Variants in IDH3A observed in about 807,000 individuals in gnomAD.
IDH3A encodes the protein isocitrate dehydrogenase (NAD(+)) 3 catalytic subunit alpha, also known as isocitrate dehydrogenase [NAD] subunit alpha, mitochondrial.
A neutral mutation model predicts 43.3 loss-of-function variants in IDH3A; 23 were observed. The ratio of observed to expected loss-of-function variants is 0.53; its 90% CI spans 0.38 to 0.75. The LOEUF (loss-of-function observed/expected upper bound fraction) is 0.75. Ranked by LOEUF, IDH3A falls within the 30% of genes least tolerant of loss-of-function variation. The probability of loss-of-function intolerance (pLI) is 0.00; values close to 1 mark genes in which losing one functional copy is unlikely to be tolerated. For missense variants in IDH3A, 329 were observed against 474.4 expected, an observed-to-expected ratio of 0.69 and a Z score of 2.85; for synonymous variants, 154 against 163.5, an observed-to-expected ratio of 0.94 and a Z score of 0.44.
intron 4 of IDH3A, among the ~76,000 whole-genome samples, chr15:78,160,804 T>G (rs1004069838): frequency 3.9e-5 from 6 of 152,068 alleles, no homozygotes; most frequent in African/African-American, 1.4e-4. Context: ...GGCCTACATT[T>G]TTATTATTAT....
rs138079689 is a variant in IDH3A, at chr15:78,160,118, C to T, written c.201C>T (p.Asn67=). 117 of 1,611,848 alleles carry T rather than the reference C, an allele frequency of 7.3e-5. No homozygotes were observed. The highest frequency in any genetic ancestry group is 9.3e-5 in the Non-Finnish European group (109 of 1,178,012). The stretch of plus-strand genomic sequence containing the variant: ...CACCTATTCAGTGGGAGGAGCGGAA[C>T]GTCACTGCCATTCAAGGACCTGGAG... ...AKAPIQWEER[N]VTAIQGPGGK... Residue 67 remains asparagine (N), a synonymous_variant, in exon 4 of 11, where the codon AAC becomes AAT. Transcript: ENST00000299518.
At position 78,165,022 on chromosome 15, in the gene IDH3A, C is replaced by G; in HGVS notation, c.810C>G (p.Leu270=). 1 of 1,613,620 alleles carries G rather than the reference C, an allele frequency of 6.2e-7. No individual in the cohort carries two copies. The highest frequency in any genetic ancestry group is 1.1e-5 in the South Asian group (1 of 91,058). The change falls in exon 9 of 11, where the codon CTC becomes CTG. Residue 270 remains leucine (L), a synonymous_variant. Coordinates refer to ENST00000299518, the MANE Select transcript of IDH3A (RefSeq NM_005530.3). The part of the protein sequence containing the change: ...SDLCAGLIGG[L]GVTPSGNIGA... Reference sequence around the variant, plus strand: ...TGTGTGCAGGATTGATCGGAGGTCTCGGTGTGACACCAAGTGGCAACATTG... The same window carrying G: ...TGTGTGCAGGATTGATCGGAGGTCTGGGTGTGACACCAAGTGGCAACATTG...
At chr15:78,164,301 CTCT>C (rs1474151691) in intron 8 of IDH3A, among the ~76,000 whole-genome samples, 2 of 149,270 alleles carry the variant, frequency 1.3e-5, no homozygotes, top group Non-Finnish European at 1.5e-5. Flanking sequence ...CTCTCTCTCT[CTCT>C]CCCCCCCCGA....
chr15:78,167,184 T>G (rs1444799666), intron 10 of IDH3A, among the ~76,000 whole-genome samples: 1 of 152,248 alleles, frequency 6.6e-6, no homozygotes, highest in Non-Finnish European at 1.5e-5. Flanking sequence ...AATTGAATAC[T>G]TATGCAACTT....
chr15:78,157,112 A>G lies in IDH3A; in HGVS notation c.91-436A>G, dbSNP rs969468087. 13 of 1,140,570 alleles carry G rather than the reference A, an allele frequency of 1.1e-5. No homozygotes were observed. The African/African-American group carries it at 1.5e-4, about 13-fold the overall frequency. 70.7% of individuals were successfully genotyped at this position (1,140,570 alleles called of 1,614,324 possible). A position where few individuals can be genotyped will look rare whatever the true frequency, so the allele number is the denominator to read the frequency against. On this transcript the variant is annotated intron_variant, in intron 2 of 10. Coordinates refer to ENST00000299518, the MANE Select transcript of IDH3A (RefSeq NM_005530.3). ...GCATGAGAAGCTTTCCAGGATCACAATGGAAAGGAAAGGAAAACACTTGCC... is the reference window on the plus strand; with the variant it reads ...GCATGAGAAGCTTTCCAGGATCACAGTGGAAAGGAAAGGAAAACACTTGCC...
chr15:78,158,448 C>CACACATATATATATATATATAT (rs763962799), intron 3 of IDH3A, among the ~76,000 whole-genome samples: 1 of 28,214 alleles, frequency 3.5e-5, no homozygotes, highest in African/African-American at 1.6e-4. Context: ...TACATACATA[C>CACACATATATATATATATATAT]ATATATATAT....
chr15:78,165,096 A>C lies in IDH3A; in HGVS notation c.864+20A>C, dbSNP rs2074724382. On this transcript the variant is annotated intron_variant, in intron 9 of 10. Transcript: ENST00000299518. ...GAGTCGGTAAGGACCCTGACACCTG[A>C]AACAGAACTCAGGTCAGAACAGCGT... 1 of 1,519,882 alleles carries C rather than the reference A, an allele frequency of 6.6e-7. No individual in the cohort carries two copies. The highest frequency in any genetic ancestry group is 1.4e-5 in the African/African-American group (1 of 73,090). 94.1% of individuals were successfully genotyped at this position (1,519,882 alleles called of 1,614,324 possible). A position where few individuals can be genotyped will look rare whatever the true frequency, so the allele number is the denominator to read the frequency against.
At chr15:78,166,429 A>C in intron 10 of IDH3A, 127 bp downstream of exon 10, 1 of 930,922 alleles carries the variant, frequency 1.1e-6, no homozygotes, top group Non-Finnish European at 1.7e-6. Flanking sequence ...TTGAACAAGG[A>C]TTCTTAACGT....
chr15:78,161,446 T>C lies in IDH3A; in HGVS notation c.290-135T>C. ...GAAAGCTCCCGTGAGGAAGTGTTCC[T>C]CCTTCATTTGAATCTCAGGTAGAGA... is the stretch of plus-strand genomic sequence containing the variant. On this transcript the variant is annotated intron_variant, in intron 4 of 10. Coordinates refer to ENST00000299518, the MANE Select transcript of IDH3A (RefSeq NM_005530.3). This position sits in a 1 kb window ranked among gnomAD's most constrained non-coding sequence, Gnocchi z 4.8. 1.5e-6 allele frequency: 1 copy of C among 652,650 alleles called. No homozygotes were observed. Among genetic ancestry groups the C allele is most frequent in the Non-Finnish European group, 2.7e-6 (1 of 376,302 alleles). The allele number at this position is 652,650 out of a possible 1,614,324, so 40.4% of individuals were successfully genotyped here. A position where few individuals can be genotyped will look rare whatever the true frequency, so the allele number is the denominator to read the frequency against.
chr15:78,152,338 G>A lies in IDH3A; in HGVS notation c.28-2875G>A, dbSNP rs560637754. On this transcript the variant is annotated intron_variant, in intron 1 of 10. Transcript: ENST00000299518. ...CTCCCAAAGTGCTGGGATTACAAGC[G>A]TGAGGCACTGCGCCCGGCCTTTTTT... Among the ~76,000 whole-genome samples, 19 of 148,348 alleles carry A rather than the reference G, an allele frequency of 1.3e-4. No individual in the cohort carries two copies. The South Asian group carries it at 3.2e-3, about 25-fold the overall frequency.
At chr15:78,152,513 A>T (rs1224611261) in intron 1 of IDH3A, among the ~76,000 whole-genome samples, 1 of 151,310 alleles carries the variant, frequency 6.6e-6, no homozygotes, top group Non-Finnish European at 1.5e-5. Flanking sequence ...GGCATGTGCC[A>T]CCACGCCTGG....
At chr15:78,158,448 C>CACATATATATATATATATATATATAT (rs763962799) in intron 3 of IDH3A, among the ~76,000 whole-genome samples, 6 of 28,236 alleles carry the variant, frequency 2.1e-4, no homozygotes, top group African/African-American at 7.8e-4. Context: ...TACATACATA[C>CACATATATATATATATATATATATAT]ATATATATAT....
chr15:78,170,985 G>A lies in IDH3A; in HGVS notation c.*1980G>A, dbSNP rs2074814405. On this transcript the variant is annotated 3_prime_UTR_variant, in exon 11 of 11. Coordinates refer to ENST00000299518, the MANE Select transcript of IDH3A (RefSeq NM_005530.3). ...GTAATGGAATAATAGGGTCGGCGAT[G>A]CCCGCCAAGATTCCAGAGTAAGTCA... 2.0e-5 allele frequency: 3 copies of A among 153,740 alleles called. No homozygotes were observed. Among genetic ancestry groups the A allele is most frequent in the Admixed American group, 1.9e-4 (3 of 15,442 alleles). 9.5% of individuals were successfully genotyped at this position (153,740 alleles called of 1,614,324 possible).
chr15:78,155,537 C>G (rs1174101509), intron 2 of IDH3A: 2 of 275,748 alleles, frequency 7.3e-6, no homozygotes, highest in Non-Finnish European at 1.4e-5. Flanking sequence ...ATAGAAAGTA[C>G]CCTTGAGCCT....
intron 3 of IDH3A, chr15:78,159,827 CA>C (rs981675146): frequency 4.2e-4 from 140 of 335,590 alleles, no homozygotes; most frequent in Middle Eastern, 1.9e-3. Flanking sequence ...CCTGTCTCTA[CA>C]AAAAAAATAC....
At chr15:78,160,601 C>T (rs545708321) in intron 4 of IDH3A, among the ~76,000 whole-genome samples, 1 of 151,824 alleles carries the variant, frequency 6.6e-6, no homozygotes, top group African/African-American at 2.4e-5. Context: ...AAGCAGTCCT[C>T]CCACCTCAGC....
At chr15:78,149,909 G>C (rs926557130) in intron 1 of IDH3A, among the ~76,000 whole-genome samples, 5 of 152,272 alleles carry the variant, frequency 3.3e-5, no homozygotes, top group Admixed American at 6.5e-5. Context: ...CAGGTGCCAC[G>C]GGCACTGGCG....
At chr15:78,167,297 T>C (rs1199835805) in intron 10 of IDH3A, among the ~76,000 whole-genome samples, 1 of 152,178 alleles carries the variant, frequency 6.6e-6, no homozygotes, top group African/African-American at 2.4e-5. Context: ...ACAGAGAGAA[T>C]AAATAATATG....
chr15:78,162,329 C>T lies in IDH3A; in HGVS notation c.573C>T (p.His191=), dbSNP rs2074689653. 1 of 1,614,186 alleles carries T rather than the reference C, an allele frequency of 6.2e-7. No individual in the cohort carries two copies. The highest frequency in any genetic ancestry group is 1.7e-5 in the Admixed American group (1 of 60,022). ...CCTTTGAGTATGCCCGGAACAACCA[C>T]CGGAGCAACGTCACGGCGGTGCACA... is the stretch of plus-strand genomic sequence containing the variant. ...EFAFEYARNN[H]RSNVTAVHKA... The change falls in exon 6 of 11, where the codon CAC becomes CAT. Residue 191 remains histidine (H), a synonymous_variant. Coordinates refer to ENST00000299518, the MANE Select transcript of IDH3A (RefSeq NM_005530.3).
Sources: allele counts gnomAD v4.1 joint callset (sites outside exome capture counted in the v4.1 genomes callset), GRCh38; gene constraint gnomAD v4.1.1; non-coding constraint Gnocchi (gnomAD v3.1); transcripts MANE v1.5; gene names NCBI Gene and HGNC (gene_info 2026-07-23, HGNC 2026-07-21).